Variants in TBC1D5 observed in about 807,000 individuals in gnomAD.
TBC1D5 encodes the protein TBC1 domain family, member 5.
TBC1D5 carries 75 observed loss-of-function variants against 100.3 expected under a neutral mutation model. That is an observed-to-expected ratio of 0.75 (90% CI 0.62 to 0.91). The LOEUF is 0.91. Among genes scored for constraint, TBC1D5 ranks in the 40% least tolerant of loss-of-function variants. TBC1D5 has a pLI of 0.00. For missense variants in TBC1D5, 910 were observed against 942.4 expected, an observed-to-expected ratio of 0.97 and a Z score of 0.45; for synonymous variants, 323 against 325.6, an observed-to-expected ratio of 0.99 and a Z score of 0.09.
At chr3:17,521,944 C>T (rs373203171) in intron 2 of TBC1D5, among the ~76,000 whole-genome samples, 330 of 152,114 alleles carry the variant, frequency 2.2e-3, no homozygotes, top group Non-Finnish European at 4.0e-3. Flanking sequence ...AGCTTACTTG[C>T]TGATGGAGTA....
At chr3:17,291,946 G>C (rs746982383) in exon 15 of TBC1D5, 6 of 1,613,794 alleles carry the variant, frequency 3.7e-6, no homozygotes, top group Non-Finnish European at 5.1e-6. Flanking sequence ...GTACATCCCC[G>C]ATGAATGGGT....
chr3:17,616,798 G>C (rs2062203937), intron 2 of TBC1D5, among the ~76,000 whole-genome samples: 1 of 151,946 alleles, frequency 6.6e-6, no homozygotes, highest in Non-Finnish European at 1.5e-5. Flanking sequence ...ACCTGAGATG[G>C]GTCTCCTGAA....
intron 21 of TBC1D5, among the ~76,000 whole-genome samples, chr3:17,162,671 T>C (rs2066186559): frequency 6.6e-6 from 1 of 152,204 alleles, no homozygotes; most frequent in East Asian, 1.9e-4. Flanking sequence ...GGGGATGTGA[T>C]CACAAATGGC....
At chr3:17,211,494 C>G (rs568131633) in intron 18 of TBC1D5, among the ~76,000 whole-genome samples, 1 of 152,320 alleles carries the variant, frequency 6.6e-6, no homozygotes, top group South Asian at 2.1e-4. Flanking sequence ...AATTTTCAGT[C>G]TTTTGCTGAC....
chr3:17,263,679 T>C (rs2078567358), intron 15 of TBC1D5, among the ~76,000 whole-genome samples: 1 of 152,186 alleles, frequency 6.6e-6, no homozygotes. Context: ...TTTGGGCAGG[T>C]ATCTTAAAGT....
rs549036710 is a variant in TBC1D5, at chr3:17,519,526, C to T, written c.-35-10921G>A. Among the ~76,000 whole-genome samples, 5 of 152,318 alleles carry T rather than the reference C, an allele frequency of 3.3e-5. No individual in the cohort carries two copies. The South Asian group carries it at 1.0e-3, about 32-fold the overall frequency. ...TGCCCACTTACCTTATGCATAACTC[C>T]ACCCTAATATTAACCATTCTTTAGT... On this transcript the variant is annotated intron_variant, in intron 2 of 21. Transcript: ENST00000253692.
chr3:17,224,235 G>A (rs1307133225), intron 17 of TBC1D5, among the ~76,000 whole-genome samples: 1 of 152,162 alleles, frequency 6.6e-6, no homozygotes, highest in African/African-American at 2.4e-5. Context: ...AAAAAAGCTA[G>A]CACAGTGCCT....
At chr3:17,553,938 C>T (rs1474663592) in intron 2 of TBC1D5, among the ~76,000 whole-genome samples, 3 of 152,136 alleles carry the variant, frequency 2.0e-5, no homozygotes, top group Non-Finnish European at 4.4e-5. Context: ...TGGACAAGTG[C>T]TCCTTCCTTC....
intron 2 of TBC1D5, among the ~76,000 whole-genome samples, chr3:17,559,540 C>T (rs2096543964): frequency 6.6e-6 from 1 of 151,870 alleles, no homozygotes; most frequent in Admixed American, 6.6e-5. Context: ...AGATCATGTT[C>T]ATACATTGTG....
intron 13 of TBC1D5, among the ~76,000 whole-genome samples, 185 bp from the exon 14 acceptor site, chr3:17,308,319 C>G (rs1303356887): frequency 6.6e-6 from 1 of 151,608 alleles, no homozygotes; most frequent in Non-Finnish European, 1.5e-5. Context: ...TATAACTAGG[C>G]CATCATCATT....
intron 17 of TBC1D5, among the ~76,000 whole-genome samples, chr3:17,214,841 C>T (rs1002752348): frequency 2.0e-5 from 3 of 152,056 alleles, no homozygotes; most frequent in African/African-American, 7.2e-5. Flanking sequence ...GAAAGTGTCA[C>T]TGAAAATTCA....
At chr3:17,199,487 T>C (rs2071178481) in intron 18 of TBC1D5, among the ~76,000 whole-genome samples, 1 of 152,256 alleles carries the variant, frequency 6.6e-6, no homozygotes, top group Admixed American at 6.5e-5. Flanking sequence ...GATACATGAA[T>C]AACAGTTGCA....
chr3:17,547,369 A>C (rs1326416804), intron 2 of TBC1D5, among the ~76,000 whole-genome samples: 1 of 152,158 alleles, frequency 6.6e-6, no homozygotes, highest in Non-Finnish European at 1.5e-5. Context: ...AGACAAATTA[A>C]AGCCCTCCTT....
At chr3:17,506,169 A>G (rs183887246) in intron 3 of TBC1D5, among the ~76,000 whole-genome samples, 1 of 152,344 alleles carries the variant, frequency 6.6e-6, no homozygotes, top group African/African-American at 2.4e-5. Flanking sequence ...GACATATATT[A>G]AAATAAGCAA....
chr3:17,686,025 A>G (rs2070223664), intron 1 of TBC1D5, among the ~76,000 whole-genome samples: 1 of 152,190 alleles, frequency 6.6e-6, no homozygotes, highest in African/African-American at 2.4e-5. Flanking sequence ...GACTAACTTC[A>G]ACTTGACAGT....
intron 2 of TBC1D5, among the ~76,000 whole-genome samples, chr3:17,535,097 A>T (rs954728002): frequency 3.3e-5 from 5 of 152,232 alleles, no homozygotes; most frequent in Non-Finnish European, 2.9e-5. Context: ...CAGTGAAATT[A>T]TTAAAATGAA....
intron 17 of TBC1D5, among the ~76,000 whole-genome samples, chr3:17,224,372 G>A (rs2074612290): frequency 6.6e-6 from 1 of 152,100 alleles, no homozygotes; most frequent in Admixed American, 6.5e-5. Flanking sequence ...TAATATTTTA[G>A]TATTCACACT....
rs1484406696 is a variant in TBC1D5, at chr3:17,712,119, T to C, written c.-101+27224A>G. Among the ~76,000 whole-genome samples the C allele has an allele frequency of 5.9e-5, 9 of 152,012 alleles. 1 individual carries two copies. The highest frequency in any genetic ancestry group is 4.6e-4 in the Admixed American group (7 of 15,274). Reference sequence around the variant, plus strand: ...AGGCTAAAATTATATAAGCACCTCATAGGAAACTGTCTCCTTACTCCCTTC... The same window carrying C: ...AGGCTAAAATTATATAAGCACCTCACAGGAAACTGTCTCCTTACTCCCTTC... On this transcript the variant is annotated intron_variant, in intron 1 of 21. Transcript: ENST00000253692.
chr3:17,565,468 C>T (rs1464493903), intron 2 of TBC1D5, among the ~76,000 whole-genome samples: 5 of 152,056 alleles, frequency 3.3e-5, no homozygotes, highest in Non-Finnish European at 7.4e-5. Flanking sequence ...TAAATATATA[C>T]ATGGCTGGCT....
Sources: gnomAD v4.1 joint callset for allele counts (sites outside exome capture counted in the v4.1 genomes callset) on GRCh38, gnomAD v4.1.1 for gene constraint, MANE v1.5 for transcripts, NCBI Gene and HGNC (gene_info 2026-07-23, HGNC 2026-07-21) for gene names.